Variants in CDH22 observed in about 807,000 individuals in gnomAD.
CDH22 encodes the protein cadherin-22.
Under a neutral mutation model 58.4 loss-of-function variants are expected in CDH22, and 30 were observed. The ratio of observed to expected loss-of-function variants is 0.51; its 90% confidence interval spans 0.38 to 0.70. The LOEUF is 0.70. Among genes scored for constraint, CDH22 ranks in the 30% least tolerant of loss-of-function variants. CDH22 has a pLI of 0.00. For missense variants in CDH22, 1,014 were observed against 1,233.9 expected (o/e 0.82, Z 2.67); for synonymous variants, 513 against 558.2 (o/e 0.92, Z 1.14).
intron 2 of CDH22, among the ~76,000 whole-genome samples, chr20:46,249,644 A>T (rs1320187458): frequency 6.6e-6 from 1 of 152,142 alleles, no homozygotes; most frequent in Non-Finnish European, 1.5e-5. Context: ...TTAAGCACAC[A>T]GGAAGCTCTG....
chr20:46,226,134 T>TC (rs2086169558), intron 4 of CDH22, among the ~76,000 whole-genome samples: 1 of 152,050 alleles, frequency 6.6e-6, no homozygotes. Context: ...TGCTTACAAT[T>TC]CCCCTCATGC....
At position 46,251,135 on chromosome 20, in the gene CDH22, C is replaced by T. The variant is rs763349285; in HGVS notation, c.160G>A (p.Ala54Thr). 1 of 1,605,128 alleles carries T rather than the reference C, an allele frequency of 6.2e-7. No homozygotes were observed. The highest frequency in any genetic ancestry group is 1.1e-5 in the South Asian group (1 of 90,756). Residue 54 changes from alanine (A) to threonine (T), a missense_variant, in exon 2 of 12, where the codon GCG (alanine) becomes ACG (threonine). Ala to Thr is a moderately conservative substitution (Grantham distance 58). This residue lies in a region of CDH22 where 806 missense variants were observed against 1,038.7 expected (regional missense o/e 0.78). Transcript: ENST00000537909. The surrounding 1 kb of genome is among the most constrained non-coding windows in gnomAD (Gnocchi z 6.7). ...PSAPGARQDG[A>T]LGAGRVKRGW... The stretch of plus-strand genomic sequence containing the variant: ...CGTTTGACGCGGCCGGCTCCCAGCG[C>T]GCCGTCCTGCCGAGCTCCGGGCGCC...
At chr20:46,215,892 G>A (rs1461676708) in intron 5 of CDH22, among the ~76,000 whole-genome samples, 1 of 152,188 alleles carries the variant, frequency 6.6e-6, no homozygotes, top group Non-Finnish European at 1.5e-5. Flanking sequence ...TGGGCAGTGG[G>A]ATGGCTTCTG....
intron 7 of CDH22, among the ~76,000 whole-genome samples, chr20:46,208,839 C>T (rs1201499333): frequency 2.6e-5 from 4 of 152,092 alleles, no homozygotes; most frequent in African/African-American, 7.2e-5. Flanking sequence ...GTGATCTGCC[C>T]GCCTCGGCCT....
At chr20:46,292,566 T>G (rs1403686042) in intron 1 of CDH22, among the ~76,000 whole-genome samples, 2 of 152,212 alleles carry the variant, frequency 1.3e-5, no homozygotes, top group Non-Finnish European at 2.9e-5. Flanking sequence ...AATTAGGGTA[T>G]CCGGTGTCTT....
intron 1 of CDH22, among the ~76,000 whole-genome samples, chr20:46,259,022 T>G (rs1343004069): frequency 1.3e-5 from 2 of 152,220 alleles, no homozygotes; most frequent in African/African-American, 4.8e-5. Context: ...TACGTGTACT[T>G]GACTCTTCTC....
In CDH22 at chr20:46,263,351, A is replaced by T. The variant is rs2086442946; in HGVS notation, c.-399-11658T>A. On this transcript the variant is annotated intron_variant, in intron 1 of 11. Transcript: ENST00000537909. ...TTGAGCACCTACTATGTGCCAGGCT[A>T]AGTATGCAGCAGTTAGAAAGTCAGA... Among the ~76,000 whole-genome samples, 3 of 152,150 alleles carry T rather than the reference A, an allele frequency of 2.0e-5. No individual in the cohort carries two copies. The South Asian group carries it at 6.2e-4, about 32-fold the overall frequency.
At chr20:46,250,028 C>T (rs1193044218) in intron 2 of CDH22, among the ~76,000 whole-genome samples, 2 of 152,152 alleles carry the variant, frequency 1.3e-5, no homozygotes, top group Admixed American at 6.5e-5. Flanking sequence ...TGGGGATCCC[C>T]AAAGTGGCAG....
intron 7 of CDH22, among the ~76,000 whole-genome samples, chr20:46,208,696 C>T (rs547118074): frequency 1.1e-4 from 16 of 152,278 alleles, no homozygotes; most frequent in Non-Finnish European, 1.9e-4. Context: ...CGGGTTCAAG[C>T]GATTCTCCTG....
intron 7 of CDH22, among the ~76,000 whole-genome samples, chr20:46,199,947 T>TTCTTCTC (rs141654236): frequency 0.9 from 136,017 of 150,556 alleles, 61,654 homozygotes; most frequent in African/African-American, 0.97. Flanking sequence ...CCTTCCTTCT[T>TTCTTCTC]TTTCTTTTTT....
At chr20:46,235,943 C>T (rs888035123) in intron 3 of CDH22, among the ~76,000 whole-genome samples, 2 of 152,176 alleles carry the variant, frequency 1.3e-5, no homozygotes, top group African/African-American at 4.8e-5. Flanking sequence ...AACCAAAAAC[C>T]TTTCAATGGC....
chr20:46,273,948 A>T (rs148374629), intron 1 of CDH22, among the ~76,000 whole-genome samples: 1 of 152,376 alleles, frequency 6.6e-6, no homozygotes, highest in Non-Finnish European at 1.5e-5. Context: ...CCCTGCAGCC[A>T]CTGGGAGGAG....
At chr20:46,280,191 G>A (rs569877429) in intron 1 of CDH22, among the ~76,000 whole-genome samples, 9 of 152,238 alleles carry the variant, frequency 5.9e-5, no homozygotes, top group African/African-American at 1.9e-4. Context: ...AGGCCGAGGT[G>A]GGCATATCAC....
At chr20:46,269,173 C>T (rs2086475903) in intron 1 of CDH22, among the ~76,000 whole-genome samples, 3 of 152,316 alleles carry the variant, frequency 2.0e-5, no homozygotes, top group Admixed American at 2.0e-4. Flanking sequence ...GCCACCACAG[C>T]AGGCTGCCTG....
Position 46,240,979 on chromosome 20 carries a change from G to C in CDH22, c.534C>G (p.Ala178=), listed in dbSNP as rs150593171. ...ACAGCCCACCTGTAGGTGAGAGCTCGGCCACGCTGCCAATATAGGGGCCGT... is the reference window on the plus strand; with the variant it reads ...ACAGCCCACCTGTAGGTGAGAGCTCCGCCACGCTGCCAATATAGGGGCCGT... ...FLHGPYIGSV[A]ELSPTGTSVM... Residue 178 remains alanine (A), a synonymous_variant, in exon 3 of 12, where the codon GCC becomes GCG. Coordinates refer to ENST00000537909, the MANE Select transcript of CDH22 (RefSeq NM_021248.3). The C allele has an allele frequency of 1.9e-6, 3 of 1,612,360 alleles. No individual in the cohort carries two copies. The highest frequency in any genetic ancestry group is 1.3e-5 in the African/African-American group (1 of 75,004).
At chr20:46,293,980 A>C (rs1005253750) in intron 1 of CDH22, among the ~76,000 whole-genome samples, 2 of 152,136 alleles carry the variant, frequency 1.3e-5, no homozygotes, top group Non-Finnish European at 2.9e-5. Context: ...GCACCACTGC[A>C]CTCCAGCCTG....
chr20:46,262,036 C>T (rs879527362), intron 1 of CDH22, among the ~76,000 whole-genome samples: 5 of 151,932 alleles, frequency 3.3e-5, no homozygotes, highest in South Asian at 2.1e-4. Context: ...CACCACATCC[C>T]GGCACCAAGG....
chr20:46,199,574 G>T lies in CDH22; in HGVS notation c.1287-15C>A. On this transcript the variant is annotated splice_polypyrimidine_tract_variant and intron_variant, in intron 7 of 11. Coordinates refer to ENST00000537909, the MANE Select transcript of CDH22 (RefSeq NM_021248.3). ...CAATGGCGTACCTGCGGGGGGCAGG[G>T]CAGGGCTGATTGAAGGTGCCCCAGT... The T allele has an allele frequency of 6.2e-7, 1 of 1,611,970 alleles. No homozygotes were observed.
chr20:46,228,455 A>C (rs1807242576), intron 3 of CDH22, among the ~76,000 whole-genome samples: 1 of 150,454 alleles, frequency 6.6e-6, no homozygotes, highest in Non-Finnish European at 1.5e-5. Flanking sequence ...GCCTCATTAA[A>C]CCGGGAGCTT....
Sources: allele counts gnomAD v4.1 joint callset (sites outside exome capture counted in the v4.1 genomes callset), GRCh38; gene constraint gnomAD v4.1.1; regional missense constraint gnomAD v4.1.1; non-coding constraint Gnocchi (gnomAD v3.1); transcripts MANE v1.5; gene names NCBI Gene and HGNC (gene_info 2026-07-23, HGNC 2026-07-21).